Variants in SNX29 observed in about 807,000 individuals in gnomAD.
The protein encoded by SNX29 is sorting nexin 29.
A neutral mutation model predicts 102.1 loss-of-function variants in SNX29; 78 were observed. That is an observed-to-expected ratio of 0.76 (90% CI 0.64 to 0.92). The LOEUF (loss-of-function observed/expected upper bound fraction) is 0.92, where lower values mean the gene tolerates loss of function less well. SNX29 is among the 40% of genes least tolerant of loss of function. The pLI is 0.00. For missense variants in SNX29, 1,280 were observed against 1,061.7 expected (o/e 1.21, Z -2.86); for synonymous variants, 580 against 414.5 (o/e 1.40, Z -4.85).
intron 18 of SNX29, among the ~76,000 whole-genome samples, chr16:12,468,398 C>G (rs2087171903): frequency 6.6e-6 from 1 of 152,054 alleles, no homozygotes. Flanking sequence ...TGGTCTCAAA[C>G]TCCTGACCTC....
At chr16:12,262,130 G>A (rs1470302684) in intron 14 of SNX29, among the ~76,000 whole-genome samples, 3 of 151,796 alleles carry the variant, frequency 2.0e-5, no homozygotes, top group South Asian at 4.2e-4. Flanking sequence ...GTCTGTGCGC[G>A]CGTCCCCAGC....
At position 12,467,429 on chromosome 16, in the gene SNX29, C is replaced by T. The variant is rs189857507; in HGVS notation, c.2038-10290C>T. 4.4e-3 allele frequency among the ~76,000 whole-genome samples: 669 copies of T among 152,270 alleles called. 2 individuals carry two copies. The highest frequency in any genetic ancestry group is 7.8e-3 in the Non-Finnish European group (528 of 68,026). ...ACAGTCCCATGCTCTGAGCAGCCCC[C>T]GGTTATTGTATTTGACATGTATCCA... On this transcript the variant is annotated intron_variant, in intron 18 of 20. Transcript: ENST00000566228.
At chr16:12,364,203 G>GTTATC (rs1555520051) in intron 16 of SNX29, among the ~76,000 whole-genome samples, 1 of 149,348 alleles carries the variant, frequency 6.7e-6, no homozygotes. Flanking sequence ...GTTATGTTAT[G>GTTATC]TTATGTTATG....
chr16:12,011,951 CTT>C (rs2056668614), intron 3 of SNX29, among the ~76,000 whole-genome samples: 2 of 152,004 alleles, frequency 1.3e-5, no homozygotes, highest in Admixed American at 1.3e-4. Context: ...AAACTCAAAA[CTT>C]TTTTTTGTAT....
rs112647372 is a variant in SNX29, at chr16:12,154,230, A to T, written c.1595+24472A>T. Among the ~76,000 whole-genome samples the T allele has an allele frequency of 6.0e-3, 915 of 152,232 alleles. 10 individuals are homozygous for T. The highest frequency in any genetic ancestry group is 0.02 in the African/African-American group (846 of 41,528). ...TGCATTTTGGGAAGAATTTGGTAGC[A>T]GGCTTTCTGTAATTGCCCACAGAAG... is the stretch of plus-strand genomic sequence containing the variant. On this transcript the variant is annotated intron_variant, in intron 13 of 20. Coordinates refer to ENST00000566228, the MANE Select transcript of SNX29 (RefSeq NM_032167.5).
In SNX29 at chr16:12,088,646, C is replaced by T. The variant is rs7205160; in HGVS notation, c.1402+9731C>T. Among the ~76,000 whole-genome samples, 1,471 of 152,212 alleles carry T rather than the reference C, an allele frequency of 9.7e-3. 25 individuals are homozygous for T. Among genetic ancestry groups the T allele is most frequent in the African/African-American group, 0.034 (1,397 of 41,532 alleles). On this transcript the variant is annotated intron_variant, in intron 11 of 20. Transcript: ENST00000566228. Reference sequence around the variant, plus strand: ...TTTACTGTTTGCTGGATCCCTTTTTCCATTCAAACACAATTTATGGCCGGG... The same window carrying T: ...TTTACTGTTTGCTGGATCCCTTTTTTCATTCAAACACAATTTATGGCCGGG...
intron 1 of SNX29, among the ~76,000 whole-genome samples, chr16:11,985,785 T>G (rs1320333363): frequency 6.6e-6 from 1 of 151,674 alleles, no homozygotes; most frequent in Non-Finnish European, 1.5e-5. Flanking sequence ...GGCAGGTGGC[T>G]CCTAGGTTTT....
At chr16:12,336,063 A>G (rs1437822461) in intron 15 of SNX29, among the ~76,000 whole-genome samples, 1 of 152,164 alleles carries the variant, frequency 6.6e-6, no homozygotes, top group African/African-American at 2.4e-5. Context: ...TTATTAAATC[A>G]AAGAAGAAGA....
At chr16:12,556,629 G>T (rs191207798) in intron 20 of SNX29, 2 of 152,252 alleles carry the variant, frequency 1.3e-5, no homozygotes, top group Non-Finnish European at 2.9e-5. Flanking sequence ...AAGAAGGGAC[G>T]GTGTCTGGGT....
At chr16:12,019,451 C>T (rs1380021528) in intron 3 of SNX29, among the ~76,000 whole-genome samples, 2 of 151,934 alleles carry the variant, frequency 1.3e-5, no homozygotes, top group African/African-American at 2.4e-5. Context: ...GTGATCTGCC[C>T]GCCTCGGCCT....
chr16:12,135,733 C>T, intron 13 of SNX29: 1 of 685,268 alleles, frequency 1.5e-6, no homozygotes, highest in South Asian at 1.7e-5. Context: ...GCTTTCATTC[C>T]TTGAGCCATT....
chr16:12,564,574 C>G (rs769076643), intron 20 of SNX29, among the ~76,000 whole-genome samples: 36 of 152,182 alleles, frequency 2.4e-4, no homozygotes, highest in Admixed American at 8.5e-4. Context: ...GGATTGCCAT[C>G]CAGACGCCCC....
chr16:12,553,603 C>T (rs114566863), intron 20 of SNX29, among the ~76,000 whole-genome samples: 1 of 124,206 alleles, frequency 8.1e-6, no homozygotes, highest in Non-Finnish European at 1.6e-5. Flanking sequence ...ACCCCCCACC[C>T]CTGCAAGATG....
chr16:12,370,199 G>A (rs1309267366), intron 16 of SNX29, among the ~76,000 whole-genome samples: 1 of 152,138 alleles, frequency 6.6e-6, no homozygotes, highest in African/African-American at 2.4e-5. Flanking sequence ...TCTAGCCTGA[G>A]AGACAGAGCA....
At chr16:12,460,459 C>T (rs778487191) in intron 18 of SNX29, among the ~76,000 whole-genome samples, 8 of 152,060 alleles carry the variant, frequency 5.3e-5, no homozygotes, top group Non-Finnish European at 1.2e-4. Context: ...TTAGCTTGGT[C>T]TTCCCTCTTG....
chr16:11,977,995 G>C (rs2055339830), intron 1 of SNX29: 1 of 152,224 alleles, frequency 6.6e-6, no homozygotes, highest in African/African-American at 2.4e-5. Context: ...ATTTCTGGAG[G>C]TTGAGCGGGG....
At chr16:12,455,614 G>A (rs962367618) in intron 18 of SNX29, among the ~76,000 whole-genome samples, 1 of 152,158 alleles carries the variant, frequency 6.6e-6, no homozygotes, top group Non-Finnish European at 1.5e-5. Context: ...CCCAGTTTTC[G>A]CTGCTATGAG....
chr16:12,388,551 G>A (rs777677288), intron 16 of SNX29, among the ~76,000 whole-genome samples: 5 of 152,284 alleles, frequency 3.3e-5, no homozygotes, highest in South Asian at 2.1e-4. Flanking sequence ...AACATTTTCC[G>A]TAAATGCCCA....
At chr16:12,365,346 G>GTA (rs1567483443) in intron 16 of SNX29, among the ~76,000 whole-genome samples, 1 of 151,024 alleles carries the variant, frequency 6.6e-6, no homozygotes, top group East Asian at 1.9e-4. Context: ...GTGTGTGTGT[G>GTA]TGTGTGTGTG....
Sources: allele counts gnomAD v4.1 joint callset (sites outside exome capture counted in the v4.1 genomes callset), GRCh38; gene constraint gnomAD v4.1.1; transcripts MANE v1.5; gene names NCBI Gene and HGNC (gene_info 2026-07-23, HGNC 2026-07-21).